CTNNA2: variants seen among roughly 807,000 people sequenced by gnomAD.
CTNNA2 encodes the protein catenin alpha 2.
In CTNNA2, 42 loss-of-function variants were observed where a neutral mutation model predicts 101.0. The observed-to-expected ratio is 0.42, with a 90% CI of 0.32 to 0.54. The LOEUF is 0.54. Among genes scored for constraint, CTNNA2 ranks in the 20% least tolerant of loss-of-function variants. CTNNA2 has a pLI of 0.14. For missense variants in CTNNA2, 871 were observed against 1,223.1 expected, an observed-to-expected ratio of 0.71 and a Z score of 4.29; for synonymous variants, 450 against 456.4, an observed-to-expected ratio of 0.99 and a Z score of 0.18.
intron 2 of CTNNA2, among the ~76,000 whole-genome samples, chr2:79,685,284 G>A (rs72822539): frequency 0.032 from 4,813 of 152,098 alleles, 107 homozygotes; most frequent in South Asian, 0.054. Context: ...AATATGAATC[G>A]TGCCTGGCTT....
Position 80,375,555 on chromosome 2 carries a change from C to T in CTNNA2, c.1057-17656C>T, listed in dbSNP as rs1481221760. Among the ~76,000 whole-genome samples the T allele has an allele frequency of 2.2e-5, 3 of 136,450 alleles. No homozygotes were observed. In the Admixed American group the frequency reaches 2.2e-4, roughly 10 times the overall value. The allele number at this position is 136,450 out of a possible 152,430, so 89.5% of individuals were successfully genotyped here. ...TTTACTACCTTTTGATTCCTGGTTT[C>T]TGGCTTCTTTTTTTTTTTTTTTTTT... is the stretch of plus-strand genomic sequence containing the variant. On this transcript the variant is annotated intron_variant, in intron 7 of 18. Transcript: ENST00000402739.
In CTNNA2 at chr2:79,750,680, G is replaced by C. The variant is rs149065815; in HGVS notation, c.298+6098G>C. Among the ~76,000 whole-genome samples, 822 of 152,136 alleles carry C rather than the reference G, an allele frequency of 5.4e-3. 3 individuals carry two copies. Among genetic ancestry groups the C allele is most frequent in the Non-Finnish European group, 9.6e-3 (650 of 67,982 alleles). ...GATTAAGACCATCCTGGCTAACACA[G>C]TGAAAGAGAAGTCTGGTGGCAGCAG... On this transcript the variant is annotated intron_variant, in intron 3 of 18. Coordinates refer to ENST00000402739, the MANE Select transcript of CTNNA2 (RefSeq NM_001282597.3).
intron 7 of CTNNA2, among the ~76,000 whole-genome samples, chr2:80,081,491 T>C (rs189989273): frequency 1.3e-5 from 2 of 151,144 alleles, no homozygotes; most frequent in Admixed American, 6.6e-5. Context: ...TCTGTCTCTC[T>C]CTCCCTCCCT....
intron 3 of CTNNA2, among the ~76,000 whole-genome samples, chr2:79,791,487 C>G (rs1468866512): frequency 6.6e-6 from 1 of 152,154 alleles, no homozygotes; most frequent in African/African-American, 2.4e-5. Flanking sequence ...TTCATCCTGC[C>G]TGCATCTTCT....
chr2:80,195,988 G>A (rs1176354380), intron 7 of CTNNA2, among the ~76,000 whole-genome samples: 1 of 152,224 alleles, frequency 6.6e-6, no homozygotes, highest in South Asian at 2.1e-4. Context: ...CAGTGGATTT[G>A]CATCACTATC....
chr2:79,461,670 A>G (rs920584105), intron 4 of CTNNA2, among the ~76,000 whole-genome samples: 1 of 152,144 alleles, frequency 6.6e-6, no homozygotes, highest in African/African-American at 2.4e-5. Flanking sequence ...TAAGAAGGAG[A>G]GCAAAGATAC....
chr2:79,794,154 AAAG>A (rs1675509878), intron 3 of CTNNA2, among the ~76,000 whole-genome samples: 1 of 152,194 alleles, frequency 6.6e-6, no homozygotes, highest in South Asian at 2.1e-4. Flanking sequence ...AAAAATAAAA[AAAG>A]AAGAGGAAAG....
intron 7 of CTNNA2, among the ~76,000 whole-genome samples, chr2:80,165,293 T>C (rs1377095773): frequency 6.6e-6 from 1 of 151,712 alleles, no homozygotes; most frequent in Non-Finnish European, 1.5e-5. Context: ...CTGATTTTTT[T>C]CTTTCCTTTT....
At chr2:80,576,349 A>G (rs1228564893) in intron 13 of CTNNA2, 1 of 145,934 alleles carries the variant, frequency 6.9e-6, no homozygotes, top group Non-Finnish European at 1.5e-5. Flanking sequence ...CTGTTGGAGC[A>G]ATCTACCCCT....
At chr2:79,606,023 C>T (rs1677867456) in intron 1 of CTNNA2, among the ~76,000 whole-genome samples, 1 of 151,962 alleles carries the variant, frequency 6.6e-6, no homozygotes, top group African/African-American at 2.4e-5. Flanking sequence ...CTTTTATACT[C>T]AGCAAAAAAT....
chr2:80,259,222 G>A (rs1672408818), intron 7 of CTNNA2, among the ~76,000 whole-genome samples: 1 of 152,086 alleles, frequency 6.6e-6, no homozygotes, highest in Non-Finnish European at 1.5e-5. Context: ...AGCCCATTTG[G>A]GGACATTTCC....
At chr2:80,251,766 G>C (rs1380632595) in intron 7 of CTNNA2, among the ~76,000 whole-genome samples, 1 of 152,122 alleles carries the variant, frequency 6.6e-6, no homozygotes, top group Non-Finnish European at 1.5e-5. Context: ...TATTAATCCA[G>C]TTACCTGAGA....
At chr2:79,192,341 G>A (rs1673885523) in intron 1 of CTNNA2, among the ~76,000 whole-genome samples, 1 of 152,156 alleles carries the variant, frequency 6.6e-6, no homozygotes. Flanking sequence ...CAGCTTCAGT[G>A]TTCAACACAA....
chr2:80,644,451 T>G (rs1450561068), intron 18 of CTNNA2, among the ~76,000 whole-genome samples: 3 of 152,186 alleles, frequency 2.0e-5, no homozygotes, highest in African/African-American at 7.2e-5. Flanking sequence ...ATTTAAAAAC[T>G]GTTGCCATGC....
chr2:80,085,890 G>T (rs1181375251), intron 7 of CTNNA2, among the ~76,000 whole-genome samples: 4 of 152,032 alleles, frequency 2.6e-5, no homozygotes, highest in Non-Finnish European at 4.4e-5. Flanking sequence ...CAAAAGACTG[G>T]CTCAGAGAGT....
At chr2:80,006,823 T>G (rs1188842956) in intron 7 of CTNNA2, among the ~76,000 whole-genome samples, 1 of 152,146 alleles carries the variant, frequency 6.6e-6, no homozygotes, top group African/African-American at 2.4e-5. Context: ...CTCCTTGCCT[T>G]CCTTATATTT....
chr2:80,417,138 T>G (rs1483015422), intron 8 of CTNNA2, among the ~76,000 whole-genome samples: 1 of 151,906 alleles, frequency 6.6e-6, no homozygotes, highest in Non-Finnish European at 1.5e-5. Context: ...TGTTTAATTT[T>G]AAATTTTTAA....
intron 3 of CTNNA2, among the ~76,000 whole-genome samples, chr2:79,836,420 C>A (rs1420380210): frequency 1.3e-5 from 2 of 152,176 alleles, no homozygotes; most frequent in Non-Finnish European, 2.9e-5. Context: ...AGTACACTTT[C>A]AAATGTTTTA....
At chr2:80,560,605 G>A (rs879403869) in intron 12 of CTNNA2, among the ~76,000 whole-genome samples, 6 of 151,990 alleles carry the variant, frequency 3.9e-5, no homozygotes, top group African/African-American at 1.5e-4. Context: ...TCTGGACGAG[G>A]GCCTTCATTA....
Sources: allele counts gnomAD v4.1 joint callset (sites outside exome capture counted in the v4.1 genomes callset), GRCh38; gene constraint gnomAD v4.1.1; transcripts MANE v1.5; gene names NCBI Gene and HGNC (gene_info 2026-07-23, HGNC 2026-07-21).